Variants in CCDC181 observed in about 807,000 individuals in gnomAD.
The protein encoded by CCDC181 is coiled-coil domain-containing protein 181.
In CCDC181, 35 loss-of-function variants were observed where a neutral mutation model predicts 58.7. The ratio of observed to expected loss-of-function variants is 0.60; its 90% CI spans 0.46 to 0.79. CCDC181 has a LOEUF of 0.79. Ranked by LOEUF, CCDC181 falls within the 30% of genes least tolerant of loss-of-function variation. The pLI is 0.00. For missense variants in CCDC181, 517 were observed against 583.9 expected, an observed-to-expected ratio of 0.89 and a Z score of 1.18; for synonymous variants, 183 against 197.5, an observed-to-expected ratio of 0.93 and a Z score of 0.62.
At chr1:169,399,341 AT>A (rs2102040525) in intron 4 of CCDC181, among the ~76,000 whole-genome samples, 1 of 152,352 alleles carries the variant, frequency 6.6e-6, no homozygotes, top group Non-Finnish European at 1.5e-5. Flanking sequence ...TAGAACCAAC[AT>A]AATTTGCTCA....
rs376964448 is a variant in CCDC181, at chr1:169,421,982, C to T, written c.449G>A (p.Arg150Gln). The T allele has an allele frequency of 3.0e-5, 48 of 1,613,812 alleles. No individual in the cohort carries two copies. The highest frequency in any genetic ancestry group is 1.8e-4 in the East Asian group (8 of 44,880). Residue 150 changes from arginine to glutamine, a missense_variant, in exon 3 of 6, where the codon CGA becomes CAA. Arg to Gln is a conservative substitution (Grantham distance 43, BLOSUM62 1). Coordinates refer to ENST00000367806, the MANE Select transcript of CCDC181 (RefSeq NM_001300969.2). ...TAACTGGTCCTTGAACTTAAGTTTT[C>T]GCTCCCTTTTATCATTCACCGGTTC... is the stretch of plus-strand genomic sequence containing the variant. ...NQEPVNDKRE[R>Q]KLKFKDQLVD...
intron 1 of CCDC181, among the ~76,000 whole-genome samples, chr1:169,426,865 T>C (rs1008541263): frequency 4.6e-5 from 7 of 152,208 alleles, no homozygotes. Flanking sequence ...ATAAATATTT[T>C]ATGGACTTTA....
upstream of CCDC181, among the ~76,000 whole-genome samples, chr1:169,429,505 GT>G (rs1230852809): frequency 5.9e-5 from 9 of 152,114 alleles, no homozygotes; most frequent in Admixed American, 3.9e-4. Context: ...TCTTGCAGGA[GT>G]AAGGTGGTAT....
intron 4 of CCDC181, among the ~76,000 whole-genome samples, chr1:169,412,054 CA>C (rs1247455191): frequency 1.3e-5 from 2 of 152,112 alleles, no homozygotes; most frequent in African/African-American, 4.8e-5. Context: ...GAAAGAAATA[CA>C]GGGTATTCAA....
At chr1:169,424,137 T>C (rs768700666) in intron 2 of CCDC181, among the ~76,000 whole-genome samples, 2 of 151,946 alleles carry the variant, frequency 1.3e-5, no homozygotes, top group South Asian at 2.1e-4. Flanking sequence ...TATATACATA[T>C]ATATGTTTTA....
intron 2 of CCDC181, among the ~76,000 whole-genome samples, chr1:169,455,022 CATTT>C (rs1313629453): frequency 2.0e-5 from 3 of 152,018 alleles, no homozygotes; most frequent in African/African-American, 4.8e-5. Flanking sequence ...CAATTATATT[CATTT>C]GTTTTTTGCC....
chr1:169,457,088 A>G (rs1195686001), intron 2 of CCDC181, among the ~76,000 whole-genome samples: 1 of 152,076 alleles, frequency 6.6e-6, no homozygotes, highest in Non-Finnish European at 1.5e-5. Context: ...TCTAGCTTCC[A>G]TTGTTGCTCT....
intron 4 of CCDC181, among the ~76,000 whole-genome samples, chr1:169,408,403 C>T (rs930718203): frequency 1.3e-5 from 2 of 152,190 alleles, no homozygotes; most frequent in African/African-American, 4.8e-5. Flanking sequence ...CAGTCAGGGG[C>T]TTATAGATAA....
At chr1:169,413,847 C>T (rs1449087897) in intron 4 of CCDC181, among the ~76,000 whole-genome samples, 2 of 146,972 alleles carry the variant, frequency 1.4e-5, no homozygotes, top group African/African-American at 5.0e-5. Flanking sequence ...GGGAGGGGAA[C>T]ATCACACACT....
At chr1:169,444,497 A>G (rs1657320943) in intron 2 of CCDC181, among the ~76,000 whole-genome samples, 1 of 152,222 alleles carries the variant, frequency 6.6e-6, no homozygotes, top group Non-Finnish European at 1.5e-5. Flanking sequence ...GTTTCCTACA[A>G]TGACCTTAAA....
intron 4 of CCDC181, among the ~76,000 whole-genome samples, chr1:169,400,602 G>A (rs1026597833): frequency 4.6e-5 from 7 of 151,748 alleles, no homozygotes; most frequent in Non-Finnish European, 1.0e-4. Context: ...ATATAAAAAA[G>A]GTCTAATATG....
intron 4 of CCDC181, among the ~76,000 whole-genome samples, chr1:169,418,240 C>G (rs1236597192): frequency 6.6e-6 from 1 of 152,210 alleles, no homozygotes; most frequent in African/African-American, 2.4e-5. Context: ...AACATTGGAA[C>G]CAACCTAAAT....
At chr1:169,452,656 T>C (rs1257097242) in intron 2 of CCDC181, 1 of 152,132 alleles carries the variant, frequency 6.6e-6, no homozygotes, top group Non-Finnish European at 1.5e-5. Flanking sequence ...AAGTAAAACA[T>C]TTTAACTAAA....
intron 4 of CCDC181, among the ~76,000 whole-genome samples, chr1:169,407,057 G>GAAA (rs33976978): frequency 1.7e-5 from 2 of 118,930 alleles, no homozygotes; most frequent in African/African-American, 6.6e-5. Flanking sequence ...AGATGAGGCA[G>GAAA]AAAAAAAAAA....
chr1:169,424,240 CT>C (rs1312755643), intron 2 of CCDC181, among the ~76,000 whole-genome samples: 4 of 151,880 alleles, frequency 2.6e-5, no homozygotes, highest in Non-Finnish European at 5.9e-5. Context: ...GAGTTCCTTT[CT>C]TCATCTCTGA....
At chr1:169,449,666 G>T (rs1472080643) in intron 2 of CCDC181, among the ~76,000 whole-genome samples, 1 of 152,226 alleles carries the variant, frequency 6.6e-6, no homozygotes, top group Non-Finnish European at 1.5e-5. Flanking sequence ...AGAACTTGGA[G>T]TCTGATGTTC....
intron 3 of CCDC181, among the ~76,000 whole-genome samples, chr1:169,420,590 A>C (rs1656412348): frequency 6.6e-6 from 1 of 152,132 alleles, no homozygotes; most frequent in African/African-American, 2.4e-5. Flanking sequence ...AGGTTTTCTT[A>C]TCTGCAAAAT....
chr1:169,403,920 C>CT (rs1295875132), intron 4 of CCDC181, among the ~76,000 whole-genome samples: 2 of 151,776 alleles, frequency 1.3e-5, no homozygotes, highest in Non-Finnish European at 2.9e-5. Flanking sequence ...GCTACCAAGA[C>CT]TAATAAAGAA....
At chr1:169,452,481 G>C (rs1432813701) in intron 2 of CCDC181, 2 of 152,064 alleles carry the variant, frequency 1.3e-5, no homozygotes, top group Admixed American at 6.6e-5. Context: ...TGGGGCAGGA[G>C]GTAGAATGGC....
Sources: allele counts gnomAD v4.1 joint callset (sites outside exome capture counted in the v4.1 genomes callset), GRCh38; gene constraint gnomAD v4.1.1; transcripts MANE v1.5; gene names NCBI Gene and HGNC (gene_info 2026-07-23, HGNC 2026-07-21).